The following SPAG16 variants were observed in gnomAD, a reference collection of about 807,000 sequenced individuals.
SPAG16 encodes sperm associated antigen 16.
Under a neutral mutation model 80.4 loss-of-function variants are expected in SPAG16, and 86 were observed. The ratio of observed to expected loss-of-function variants is 1.07; its 90% CI spans 0.90 to 1.28. SPAG16 has a LOEUF of 1.28. Among genes scored for constraint, SPAG16 ranks in the 50% most tolerant of loss-of-function variants. SPAG16 has a pLI of 0.00. For synonymous variants in SPAG16, 294 were observed against 265.9 expected (o/e 1.11, Z -1.03); for missense variants, 870 against 765.3 (o/e 1.14, Z -1.61).
chr2:213,974,937 T>A (rs2045281582), intron 12 of SPAG16, among the ~76,000 whole-genome samples: 1 of 125,426 alleles, frequency 8.0e-6, no homozygotes, highest in Admixed American at 8.4e-5. Flanking sequence ...AGTATTGAAG[T>A]AAGATGTCGT....
chr2:213,630,759 G>T (rs1233982692), intron 10 of SPAG16, among the ~76,000 whole-genome samples: 1 of 152,138 alleles, frequency 6.6e-6, no homozygotes, highest in African/African-American at 2.4e-5. Context: ...GAGAGTACTT[G>T]TTTCTGACTA....
chr2:214,105,918 T>G (rs1284055391), intron 13 of SPAG16, among the ~76,000 whole-genome samples: 1 of 152,168 alleles, frequency 6.6e-6, no homozygotes, highest in Non-Finnish European at 1.5e-5. Context: ...CGAGTCAGGT[T>G]TTGTTATAGC....
intron 15 of SPAG16, among the ~76,000 whole-genome samples, chr2:214,361,817 C>A (rs1450416850): frequency 1.3e-5 from 2 of 151,822 alleles, no homozygotes; most frequent in African/African-American, 4.8e-5. Flanking sequence ...CACCTGTTTC[C>A]AATCATTTTG....
intron 11 of SPAG16, among the ~76,000 whole-genome samples, chr2:213,897,599 C>A (rs1559926): frequency 0.59 from 89,336 of 151,542 alleles, 28,103 homozygotes; most frequent in South Asian, 0.84. Flanking sequence ...GAGATTGTAC[C>A]CTCCTCATCT....
intron 5 of SPAG16, among the ~76,000 whole-genome samples, chr2:213,325,506 T>C (rs1000688623): frequency 1.3e-5 from 2 of 152,082 alleles, no homozygotes; most frequent in African/African-American, 2.4e-5. Flanking sequence ...GGCACTTTTA[T>C]TGAAAATCAG....
intron 10 of SPAG16, among the ~76,000 whole-genome samples, chr2:213,853,718 G>C (rs1043773448): frequency 1.3e-5 from 2 of 152,174 alleles, no homozygotes; most frequent in Non-Finnish European, 2.9e-5. Context: ...GAAGTAGAAA[G>C]CTTATATTCA....
At chr2:213,686,753 C>G (rs2064700265) in intron 10 of SPAG16, among the ~76,000 whole-genome samples, 1 of 126,374 alleles carries the variant, frequency 7.9e-6, no homozygotes, top group Admixed American at 1.1e-4. Context: ...GTGGTGCCGT[C>G]TCGGCTCACT....
intron 11 of SPAG16, among the ~76,000 whole-genome samples, chr2:213,866,448 A>T (rs2075686672): frequency 6.6e-6 from 1 of 152,200 alleles, no homozygotes; most frequent in Admixed American, 6.5e-5. Context: ...AGGACATCAT[A>T]TAATAAATTA....
At chr2:214,042,007 TACACAC>T (rs78420814) in intron 13 of SPAG16, among the ~76,000 whole-genome samples, 1 of 101,222 alleles carries the variant, frequency 9.9e-6, no homozygotes, top group African/African-American at 4.3e-5. Flanking sequence ...TATATATATA[TACACAC>T]ACACACAAAT....
intron 15 of SPAG16, among the ~76,000 whole-genome samples, chr2:214,179,155 A>G (rs952167040): frequency 6.6e-6 from 1 of 151,428 alleles, no homozygotes; most frequent in African/African-American, 2.4e-5. Flanking sequence ...AATTTGTTGC[A>G]ATAGTATTTG....
At chr2:214,016,251 A>G (rs532664135) in intron 13 of SPAG16, among the ~76,000 whole-genome samples, 1 of 152,312 alleles carries the variant, frequency 6.6e-6, no homozygotes, top group Admixed American at 6.5e-5. Flanking sequence ...ATACCTGTGG[A>G]GGCCTCACAG....
chr2:213,478,000 A>C (rs891278028), intron 9 of SPAG16, among the ~76,000 whole-genome samples: 4 of 152,128 alleles, frequency 2.6e-5, no homozygotes, highest in Non-Finnish European at 5.9e-5. Context: ...TGTGCTTGTG[A>C]TAGTGAGTGG....
At chr2:213,297,497 A>G (rs1012322551) in intron 3 of SPAG16, 140 bp downstream of exon 3, 4 of 516,172 alleles carry the variant, frequency 7.7e-6, no homozygotes, top group African/African-American at 2.0e-5. Flanking sequence ...TTTGTGATCA[A>G]GCCTTCACTT....
chr2:213,903,931 A>C (rs1034075598), intron 11 of SPAG16, among the ~76,000 whole-genome samples: 1 of 152,196 alleles, frequency 6.6e-6, no homozygotes, highest in African/African-American at 2.4e-5. Flanking sequence ...TTGCTAAAAC[A>C]TAATAGCCTC....
chr2:213,999,106 C>T (rs780169284), intron 12 of SPAG16, among the ~76,000 whole-genome samples: 3 of 152,138 alleles, frequency 2.0e-5, no homozygotes, highest in Non-Finnish European at 2.9e-5. Context: ...TAAGTAACAA[C>T]GAGGGGAATG....
At chr2:213,468,652 C>G (rs1328845353) in intron 9 of SPAG16, among the ~76,000 whole-genome samples, 1 of 144,184 alleles carries the variant, frequency 6.9e-6, no homozygotes, top group African/African-American at 2.5e-5. Context: ...TCCTATATCT[C>G]CTATTGTGTG....
intron 10 of SPAG16, among the ~76,000 whole-genome samples, chr2:213,727,390 G>C (rs534718241): frequency 1.5e-4 from 23 of 152,190 alleles, no homozygotes; most frequent in African/African-American, 4.1e-4. Context: ...TAAATCAATG[G>C]AGTGTGACAG....
intron 11 of SPAG16, among the ~76,000 whole-genome samples, chr2:213,920,604 T>G (rs1188254383): frequency 6.6e-6 from 1 of 152,150 alleles, no homozygotes; most frequent in African/African-American, 2.4e-5. Flanking sequence ...CAGGAGCTAT[T>G]ATGTGGGCTC....
intron 13 of SPAG16, among the ~76,000 whole-genome samples, chr2:214,030,676 G>A (rs1398122742): frequency 6.6e-6 from 1 of 152,172 alleles, no homozygotes; most frequent in Non-Finnish European, 1.5e-5. Flanking sequence ...CAGAGATGAT[G>A]AACTTACAGC....
Sources: allele counts gnomAD v4.1 joint callset (sites outside exome capture counted in the v4.1 genomes callset), GRCh38; gene constraint gnomAD v4.1.1; transcripts MANE v1.5; gene names NCBI Gene and HGNC (gene_info 2026-07-23, HGNC 2026-07-21).